Variants in PARD3B observed in about 807,000 individuals in gnomAD.
The protein encoded by PARD3B is par-3 family cell polarity regulator beta.
In PARD3B, 103 loss-of-function variants were observed where a neutral mutation model predicts 130.2. The observed-to-expected ratio is 0.79, with a 90% CI of 0.67 to 0.93. The LOEUF is 0.93. Among genes scored for constraint, PARD3B ranks in the 40% least tolerant of loss-of-function variants. PARD3B has a pLI of 0.00. For missense variants in PARD3B, 1,609 were observed against 1,499.2 expected (o/e 1.07, Z -1.21); for synonymous variants, 583 against 553.2 (o/e 1.05, Z -0.76).
Position 205,232,519 on chromosome 2 carries a change from T to A in PARD3B, c.2141-13259T>A, listed in dbSNP as rs529351161. 2.0e-5 allele frequency among the ~76,000 whole-genome samples: 3 copies of A among 152,140 alleles called. No individual in the cohort carries two copies. The South Asian group carries it at 6.2e-4, about 32-fold the overall frequency. On this transcript the variant is annotated intron_variant, in intron 15 of 22. Transcript: ENST00000406610. ...AAGGTAAAATTTCTAATATCTGGAA[T>A]CCAATAAAATATTAATATGCATGTA...
chr2:205,526,922 G>A (rs1365692213), intron 21 of PARD3B, among the ~76,000 whole-genome samples: 2 of 152,052 alleles, frequency 1.3e-5, no homozygotes, highest in Admixed American at 1.3e-4. Context: ...AATGATTTTT[G>A]TACTCACATA....
At chr2:205,049,058 G>C (rs920492226) in intron 4 of PARD3B, among the ~76,000 whole-genome samples, 1 of 152,286 alleles carries the variant, frequency 6.6e-6, no homozygotes, top group South Asian at 2.1e-4. Context: ...TAAAAGAGCA[G>C]AACTACAATT....
chr2:204,911,081 G>A (rs2047218626), intron 2 of PARD3B, among the ~76,000 whole-genome samples: 1 of 152,092 alleles, frequency 6.6e-6, no homozygotes, highest in Non-Finnish European at 1.5e-5. Context: ...TATGATGTTT[G>A]TGTTAACACC....
intron 2 of PARD3B, among the ~76,000 whole-genome samples, chr2:204,953,342 T>C (rs1689951560): frequency 1.3e-5 from 2 of 150,716 alleles, no homozygotes; most frequent in African/African-American, 2.4e-5. Flanking sequence ...ATAAGAAAAA[T>C]AGTAATTGAA....
At chr2:205,107,482 T>G (rs1410710618) in intron 5 of PARD3B, among the ~76,000 whole-genome samples, 1 of 152,216 alleles carries the variant, frequency 6.6e-6, no homozygotes, top group East Asian at 1.9e-4. Flanking sequence ...CAATGCTAAA[T>G]GAAAGGCTGA....
intron 18 of PARD3B, among the ~76,000 whole-genome samples, chr2:205,392,716 GC>G (rs2045900279): frequency 6.6e-6 from 1 of 152,108 alleles, no homozygotes; most frequent in Non-Finnish European, 1.5e-5. Flanking sequence ...ACTTTTGCAT[GC>G]CATGGAACGG....
chr2:204,797,729 T>G (rs918514004), intron 2 of PARD3B, among the ~76,000 whole-genome samples: 1 of 152,210 alleles, frequency 6.6e-6, no homozygotes, highest in African/African-American at 2.4e-5. Flanking sequence ...TAAATTAAAA[T>G]TTTTTAAATG....
intron 2 of PARD3B, among the ~76,000 whole-genome samples, chr2:204,832,165 G>A (rs563983275): frequency 6.6e-6 from 1 of 152,222 alleles, no homozygotes; most frequent in East Asian, 1.9e-4. Context: ...GGCAGAGCTT[G>A]CAGTGAGCTG....
intron 21 of PARD3B, among the ~76,000 whole-genome samples, chr2:205,526,562 C>CTGTT (rs1168431791): frequency 1.3e-5 from 2 of 152,150 alleles, no homozygotes; most frequent in African/African-American, 4.8e-5. Flanking sequence ...TGCTCGTCTG[C>CTGTT]TGTTTATGGC....
chr2:205,383,381 A>G (rs2045552449), intron 18 of PARD3B, among the ~76,000 whole-genome samples: 1 of 151,922 alleles, frequency 6.6e-6, no homozygotes, highest in South Asian at 2.1e-4. Context: ...TTTTTTCAGA[A>G]TTGCTAATCC....
chr2:204,627,102 C>T (rs1169383970), intron 1 of PARD3B, among the ~76,000 whole-genome samples: 1 of 152,248 alleles, frequency 6.6e-6, no homozygotes, highest in African/African-American at 2.4e-5. Flanking sequence ...CTCTTTCCTG[C>T]CACCTTGTGA....
At chr2:205,137,291 A>G (rs1373502767) in intron 10 of PARD3B, among the ~76,000 whole-genome samples, 2 of 152,218 alleles carry the variant, frequency 1.3e-5, no homozygotes, top group Non-Finnish European at 2.9e-5. Context: ...TCGAAGAAGC[A>G]AGAAGAGAAA....
rs531611775 is a variant in PARD3B at position 204,741,948 on chromosome 2, G to T, written c.222+55666G>T. 3.9e-5 allele frequency among the ~76,000 whole-genome samples: 6 copies of T among 152,198 alleles called. No individual in the cohort carries two copies. The East Asian group carries it at 9.7e-4, about 25-fold the overall frequency. On this transcript the variant is annotated intron_variant, in intron 2 of 22. Transcript: ENST00000406610. The stretch of plus-strand genomic sequence containing the variant: ...TCAAAGTCCGGAGGTTCTCAGTGTG[G>T]TCCCTGGGCCAATAGTATCAGTATT...
intron 1 of PARD3B, among the ~76,000 whole-genome samples, chr2:204,660,266 A>G (rs1196529725): frequency 1.3e-5 from 2 of 152,098 alleles, no homozygotes; most frequent in Admixed American, 6.6e-5. Flanking sequence ...CATTTCAACC[A>G]TGTTTATTAT....
At chr2:204,964,434 G>A (rs946380712) in intron 2 of PARD3B, among the ~76,000 whole-genome samples, 3 of 152,096 alleles carry the variant, frequency 2.0e-5, no homozygotes, top group African/African-American at 7.2e-5. Flanking sequence ...TATATTAACA[G>A]TAAAAAGCAT....
At chr2:205,387,928 C>T (rs1237624826) in intron 18 of PARD3B, among the ~76,000 whole-genome samples, 1 of 152,128 alleles carries the variant, frequency 6.6e-6, no homozygotes, top group African/African-American at 2.4e-5. Context: ...TTATGAGACA[C>T]CTCTGTCATC....
At position 205,049,762 on chromosome 2, in the gene PARD3B, A is replaced by T. The variant is rs141019544; in HGVS notation, c.504+2072A>T. ...AGATGCATCTCATAATTCAAGAATA[A>T]ATGCTGGCGCCCAAAATCCTTGTGC... On this transcript the variant is annotated intron_variant, in intron 4 of 22. Transcript: ENST00000406610. Among the ~76,000 whole-genome samples, 7 of 152,276 alleles carry T rather than the reference A, an allele frequency of 4.6e-5. No individual in the cohort carries two copies. The East Asian group carries it at 1.4e-3, about 29-fold the overall frequency.
Position 205,335,660 on chromosome 2 carries a change from C to T in PARD3B, c.2630+33959C>T, listed in dbSNP as rs536297635. Among the ~76,000 whole-genome samples the T allele has an allele frequency of 1.1e-3, 160 of 151,680 alleles. 1 individual carries two copies. The highest frequency in any genetic ancestry group is 3.1e-3 in the African/African-American group (127 of 41,448). ...GACTGGGGAAAAAAAAAAAGAGGTT[C>T]GATGGACTTACAGTTCTACGTGGCT... is the stretch of plus-strand genomic sequence containing the variant. On this transcript the variant is annotated intron_variant, in intron 18 of 22. Coordinates refer to ENST00000406610, the MANE Select transcript of PARD3B (RefSeq NM_001302769.2).
At chr2:204,729,998 A>ACACAC (rs2039425997) in intron 2 of PARD3B, among the ~76,000 whole-genome samples, 286 of 141,422 alleles carry the variant, frequency 2.0e-3, no homozygotes, top group Middle Eastern at 7.1e-3. Context: ...CACACACACA[A>ACACAC]ACACACACAC....
Sources: gnomAD v4.1 joint callset for allele counts (sites outside exome capture counted in the v4.1 genomes callset) on GRCh38, gnomAD v4.1.1 for gene constraint, MANE v1.5 for transcripts, NCBI Gene and HGNC (gene_info 2026-07-23, HGNC 2026-07-21) for gene names.